Variants in CFDP1 observed in about 807,000 individuals in gnomAD.
CFDP1 encodes heterochromatin-stabilizing protein CFDP1.
In CFDP1, 31 loss-of-function variants were observed where a neutral mutation model predicts 40.1. The ratio of observed to expected loss-of-function variants is 0.77; its 90% CI spans 0.58 to 1.04. The LOEUF is 1.04. Ranked by LOEUF, CFDP1 falls within the 50% of genes least tolerant of loss-of-function variation. CFDP1 has a pLI of 0.00. For missense variants in CFDP1, 423 were observed against 343.4 expected (o/e 1.23, Z -1.83); for synonymous variants, 167 against 120.0 (o/e 1.39, Z -2.56).
chr16:75,390,669 G>T (rs1203813609), intron 5 of CFDP1, among the ~76,000 whole-genome samples: 1 of 152,204 alleles, frequency 6.6e-6, no homozygotes, highest in African/African-American at 2.4e-5. Flanking sequence ...GAGGGCAATG[G>T]AGTACCCTAA....
At chr16:75,397,273 G>C (rs1455889284) in intron 4 of CFDP1, among the ~76,000 whole-genome samples, 2 of 151,332 alleles carry the variant, frequency 1.3e-5, no homozygotes, top group East Asian at 4.0e-4. Flanking sequence ...CCAGCATTTT[G>C]GGAGGCCAAA....
At chr16:75,363,952 C>T (rs1051241065) in intron 5 of CFDP1, among the ~76,000 whole-genome samples, 1 of 151,190 alleles carries the variant, frequency 6.6e-6, no homozygotes, top group Non-Finnish European at 1.5e-5. Context: ...AACACACACA[C>T]ACACACACAC....
At chr16:75,314,764 ATT>A (rs1567642515) in intron 5 of CFDP1, among the ~76,000 whole-genome samples, 1 of 152,114 alleles carries the variant, frequency 6.6e-6, no homozygotes, top group Non-Finnish European at 1.5e-5. Context: ...TTATAAATTT[ATT>A]TTTGAGACCA....
intron 5 of CFDP1, among the ~76,000 whole-genome samples, chr16:75,356,911 C>CTTTTTT (rs576406459): frequency 2.1e-4 from 17 of 80,646 alleles, no homozygotes; most frequent in South Asian, 3.9e-4. Context: ...TGCTTTCTTT[C>CTTTTTT]TTTTTTTTTT....
intron 5 of CFDP1, among the ~76,000 whole-genome samples, chr16:75,360,025 C>T (rs2078671530): frequency 6.6e-6 from 1 of 152,134 alleles, no homozygotes; most frequent in African/African-American, 2.4e-5. Context: ...CTGCCTCAGC[C>T]TTCCCAATAG....
In CFDP1 at chr16:75,432,603, G is replaced by A. The variant is rs74879517; in HGVS notation, c.64+686C>T. Among the ~76,000 whole-genome samples the A allele has an allele frequency of 9.1e-3, 1,378 of 152,178 alleles. 21 individuals carry two copies. Among genetic ancestry groups the A allele is most frequent in the African/African-American group, 0.032 (1,322 of 41,522 alleles). On this transcript the variant is annotated intron_variant, in intron 1 of 6. Transcript: ENST00000283882. The stretch of plus-strand genomic sequence containing the variant: ...CAAAGAGAATAGGGACGACTCCTGG[G>A]TTGTGTTTTGTTAGTCTGTTTGTTT...
intron 5 of CFDP1, among the ~76,000 whole-genome samples, chr16:75,316,697 C>T (rs1403671716): frequency 2.0e-5 from 3 of 151,732 alleles, no homozygotes; most frequent in African/African-American, 2.4e-5. Context: ...AGGCCGGGCG[C>T]GGTGGCTCAC....
intron 1 of CFDP1, 48 bp downstream of exon 1, chr16:75,433,241 G>A (rs2079447363): frequency 6.5e-7 from 1 of 1,530,202 alleles, no homozygotes; most frequent in African/African-American, 1.4e-5. Context: ...CCTCACGTGA[G>A]GCGTGGGGCG....
At chr16:75,397,116 G>T (rs951451651) in intron 4 of CFDP1, among the ~76,000 whole-genome samples, 1 of 151,654 alleles carries the variant, frequency 6.6e-6, no homozygotes, top group South Asian at 2.1e-4. Flanking sequence ...GGGTTTCACC[G>T]TGTTAGCCAG....
intron 5 of CFDP1, among the ~76,000 whole-genome samples, chr16:75,345,705 C>A (rs1179828208): frequency 6.6e-6 from 1 of 152,168 alleles, no homozygotes; most frequent in African/African-American, 2.4e-5. Context: ...AGATCAAGAT[C>A]ATATGTTTTT....
At chr16:75,301,124 G>A (rs2151498573) in intron 6 of CFDP1, among the ~76,000 whole-genome samples, 1 of 152,308 alleles carries the variant, frequency 6.6e-6, no homozygotes, top group South Asian at 2.1e-4. Flanking sequence ...AGGACTCATG[G>A]AAAAGGGAGA....
At chr16:75,408,904 C>G (rs1354536383) in intron 4 of CFDP1, among the ~76,000 whole-genome samples, 3 of 152,156 alleles carry the variant, frequency 2.0e-5, no homozygotes, top group Non-Finnish European at 2.9e-5. Context: ...GTTGCCCAGG[C>G]TGGAGTGCAG....
At chr16:75,410,848 G>A in intron 4 of CFDP1, among the ~76,000 whole-genome samples, 1 of 148,340 alleles carries the variant, frequency 6.7e-6, no homozygotes, top group East Asian at 2.0e-4. Context: ...GGTGGAGCTT[G>A]CAGTGAGCCG....
At chr16:75,328,535 G>A (rs2151513694) in intron 5 of CFDP1, among the ~76,000 whole-genome samples, 1 of 146,738 alleles carries the variant, frequency 6.8e-6, no homozygotes. Flanking sequence ...GGAGGCGGAG[G>A]GCGCAGTGAG....
At chr16:75,421,591 C>G (rs1217873203) in intron 1 of CFDP1, among the ~76,000 whole-genome samples, 1 of 152,092 alleles carries the variant, frequency 6.6e-6, no homozygotes, top group African/African-American at 2.4e-5. Flanking sequence ...GCCAAACCAA[C>G]TAAGAATCAG....
At chr16:75,386,626 G>T (rs1398473868) in intron 5 of CFDP1, among the ~76,000 whole-genome samples, 1 of 152,168 alleles carries the variant, frequency 6.6e-6, no homozygotes, top group Non-Finnish European at 1.5e-5. Flanking sequence ...TTGGGAGGCT[G>T]AGGCAGGAGC....
intron 5 of CFDP1, among the ~76,000 whole-genome samples, chr16:75,390,512 T>C (rs1219924697): frequency 6.6e-6 from 1 of 152,244 alleles, no homozygotes; most frequent in Non-Finnish European, 1.5e-5. Flanking sequence ...CTCCCGATTC[T>C]GCTAAAAATC....
chr16:75,294,973 C>A (rs955719084), intron 6 of CFDP1, among the ~76,000 whole-genome samples: 4 of 152,102 alleles, frequency 2.6e-5, no homozygotes, highest in Non-Finnish European at 5.9e-5. Context: ...AAGCGTGCTG[C>A]GATTTGCCTG....
chr16:75,307,264 G>A (rs1263330517), intron 5 of CFDP1, among the ~76,000 whole-genome samples: 1 of 151,884 alleles, frequency 6.6e-6, no homozygotes, highest in Non-Finnish European at 1.5e-5. Context: ...TGCCCAGGCT[G>A]GAGTGCAGAT....
Sources: allele counts gnomAD v4.1 joint callset (sites outside exome capture counted in the v4.1 genomes callset), GRCh38; gene constraint gnomAD v4.1.1; transcripts MANE v1.5; gene names NCBI Gene and HGNC (gene_info 2026-07-23, HGNC 2026-07-21).